Variants in HS6ST3 observed in about 807,000 individuals in gnomAD.
The protein encoded by HS6ST3 is heparan sulfate 6-O-sulfotransferase 3.
A neutral mutation model predicts 36.7 loss-of-function variants in HS6ST3; 12 were observed. That is an observed-to-expected ratio of 0.33 (90% CI 0.21 to 0.53). HS6ST3 has a LOEUF of 0.53. HS6ST3 is among the 20% of genes least tolerant of loss of function. The pLI is 0.95. For missense variants in HS6ST3, 584 were observed against 640.9 expected (o/e 0.91, Z 0.96); for synonymous variants, 240 against 257.5 (o/e 0.93, Z 0.65).
intron 1 of HS6ST3, among the ~76,000 whole-genome samples, chr13:96,411,435 G>C (rs777670901): frequency 6.6e-6 from 1 of 152,222 alleles, no homozygotes; most frequent in Non-Finnish European, 1.5e-5. Flanking sequence ...CAAAGGTTGA[G>C]ATGGGTGAGA....
intron 1 of HS6ST3, among the ~76,000 whole-genome samples, chr13:96,517,252 T>C (rs927449494): frequency 6.6e-6 from 1 of 151,062 alleles, no homozygotes; most frequent in Non-Finnish European, 1.5e-5. Flanking sequence ...TGGCATGCAC[T>C]TGTGGTCCCA....
intron 1 of HS6ST3, among the ~76,000 whole-genome samples, chr13:96,274,359 C>G (rs966498536): frequency 8.6e-5 from 13 of 151,890 alleles, no homozygotes; most frequent in African/African-American, 2.9e-4. Flanking sequence ...GGAGGTTGAG[C>G]CCTGTAGGAC....
At chr13:96,764,424 A>G (rs565457422) in intron 1 of HS6ST3, among the ~76,000 whole-genome samples, 1 of 152,338 alleles carries the variant, frequency 6.6e-6, no homozygotes, top group East Asian at 1.9e-4. Flanking sequence ...CTTTAAATAG[A>G]TGAAGCAAGT....
chr13:96,489,404 A>G (rs1331914576), intron 1 of HS6ST3, among the ~76,000 whole-genome samples: 1 of 150,950 alleles, frequency 6.6e-6, no homozygotes, highest in Non-Finnish European at 1.5e-5. Context: ...ACACACACAC[A>G]TATAGTTTTT....
chr13:96,345,954 G>C lies in HS6ST3; in HGVS notation c.707+254385G>C, dbSNP rs149258461. On this transcript the variant is annotated intron_variant, in intron 1 of 1. Transcript: ENST00000376705. ...GCAGGTGGCCCATGGGCCACAGGTT[G>C]GACAAGCTTGCATTAGATTCTCATA... 7.2e-4 allele frequency among the ~76,000 whole-genome samples: 110 copies of C among 152,324 alleles called. 2 individuals carry two copies. Among genetic ancestry groups the C allele is most frequent in the African/African-American group, 2.5e-3 (106 of 41,576 alleles).
chr13:96,353,847 G>T (rs1485424822), intron 1 of HS6ST3, among the ~76,000 whole-genome samples: 2 of 152,144 alleles, frequency 1.3e-5, no homozygotes, highest in Non-Finnish European at 2.9e-5. Flanking sequence ...AAAGTACTCA[G>T]CTTCGCATTT....
intron 1 of HS6ST3, among the ~76,000 whole-genome samples, chr13:96,320,285 C>G (rs1162534938): frequency 6.6e-6 from 1 of 152,136 alleles, no homozygotes; most frequent in Admixed American, 6.5e-5. Flanking sequence ...TTGTTTACTT[C>G]TTGTTCACAG....
intron 1 of HS6ST3, among the ~76,000 whole-genome samples, chr13:96,437,856 G>T (rs553827122): frequency 6.6e-6 from 1 of 152,156 alleles, no homozygotes; most frequent in East Asian, 1.9e-4. Context: ...ACCCAACTGG[G>T]GATACTCTTC....
chr13:96,132,209 CAT>C (rs1221257781), intron 1 of HS6ST3, among the ~76,000 whole-genome samples: 6 of 151,120 alleles, frequency 4.0e-5, no homozygotes, highest in South Asian at 4.2e-4. Flanking sequence ...TGTTGATAGA[CAT>C]GTGGGTTAAT....
intron 1 of HS6ST3, among the ~76,000 whole-genome samples, chr13:96,685,657 T>G (rs1303373029): frequency 1.3e-5 from 2 of 152,064 alleles, no homozygotes; most frequent in Non-Finnish European, 2.9e-5. Flanking sequence ...AGAGCATACC[T>G]CTTCCATGAT....
intron 1 of HS6ST3, among the ~76,000 whole-genome samples, chr13:96,211,407 C>A (rs2054398562): frequency 1.3e-5 from 2 of 152,134 alleles, no homozygotes; most frequent in Admixed American, 6.5e-5. Context: ...CTGGTGTGCA[C>A]CCCAGTGATA....
chr13:96,366,327 G>A (rs1385441823), intron 1 of HS6ST3, among the ~76,000 whole-genome samples: 1 of 152,062 alleles, frequency 6.6e-6, no homozygotes, highest in African/African-American at 2.4e-5. Flanking sequence ...GCAAAAATTA[G>A]CTGAGCGTGA....
At chr13:96,378,140 A>G (rs967047768) in intron 1 of HS6ST3, among the ~76,000 whole-genome samples, 1 of 152,192 alleles carries the variant, frequency 6.6e-6, no homozygotes, top group Non-Finnish European at 1.5e-5. Context: ...GAAGAATGCT[A>G]TTGAATACTG....
chr13:96,124,784 T>C (rs1476702125), intron 1 of HS6ST3, among the ~76,000 whole-genome samples: 2 of 152,236 alleles, frequency 1.3e-5, no homozygotes, highest in African/African-American at 4.8e-5. Flanking sequence ...AGATTCTTGC[T>C]TTTGATGATA....
At chr13:96,518,033 A>C (rs1216012020) in intron 1 of HS6ST3, among the ~76,000 whole-genome samples, 3 of 152,176 alleles carry the variant, frequency 2.0e-5, no homozygotes, top group African/African-American at 4.8e-5. Flanking sequence ...GAGACATAAA[A>C]AAGAATGGGA....
intron 1 of HS6ST3, among the ~76,000 whole-genome samples, chr13:96,822,534 C>T (rs957494563): frequency 2.6e-5 from 4 of 152,090 alleles, no homozygotes; most frequent in East Asian, 3.9e-4. Context: ...TTAGTGAGTT[C>T]GATGCTCACA....
intron 1 of HS6ST3, among the ~76,000 whole-genome samples, chr13:96,289,633 A>G (rs2054819947): frequency 6.6e-6 from 1 of 152,246 alleles, no homozygotes; most frequent in Admixed American, 6.5e-5. Context: ...TCATACCTGT[A>G]TTAACACACA....
In HS6ST3 at chr13:96,091,436, A is replaced by G; in HGVS notation, c.574A>G (p.Lys192Glu). The G allele has an allele frequency of 1.9e-6, 3 of 1,612,172 alleles. No homozygotes were observed. The highest frequency in any genetic ancestry group is 1.7e-6 in the Non-Finnish European group (2 of 1,179,490). ...KKCTCHRPGKKETWLFSRFST... is the reference protein window; with the variant it reads ...KKCTCHRPGKEETWLFSRFST... ...GTGCACCTGCCACCGGCCTGGCAAG[A>G]AGGAGACGTGGCTCTTCTCCCGCTT... The change falls in exon 1 of 2, where the codon AAG (lysine) becomes GAG (glutamate). Residue 192 changes from lysine (K) to glutamate (E), a missense_variant. Physicochemically the swap from Lys to Glu is moderately conservative, Grantham distance 56. Transcript: ENST00000376705.
chr13:96,254,029 C>T (rs1256903960), intron 1 of HS6ST3, among the ~76,000 whole-genome samples: 1 of 151,996 alleles, frequency 6.6e-6, no homozygotes, highest in African/African-American at 2.4e-5. Context: ...AAGTATTATC[C>T]TTAATTCCAA....
Sources: gnomAD v4.1 joint callset for allele counts (sites outside exome capture counted in the v4.1 genomes callset) on GRCh38, gnomAD v4.1.1 for gene constraint, MANE v1.5 for transcripts, NCBI Gene and HGNC (gene_info 2026-07-23, HGNC 2026-07-21) for gene names.